The following ARRDC5 variants were observed in gnomAD, a reference collection of about 807,000 sequenced individuals.
ARRDC5 encodes the protein arrestin domain-containing protein 5.
Under a neutral mutation model 13.3 loss-of-function variants are expected in ARRDC5, and 12 were observed. That is an observed-to-expected ratio of 0.90 (90% CI 0.58 to 1.46). ARRDC5 has a LOEUF of 1.46. Among genes scored for constraint, ARRDC5 ranks in the 40% most tolerant of loss-of-function variants. The pLI is 0.00. For missense variants in ARRDC5, 406 were observed against 418.7 expected (o/e 0.97, Z 0.26); for synonymous variants, 181 against 173.4 (o/e 1.04, Z -0.34).
the ARRDC5 span, among the ~76,000 whole-genome samples, chr19:4,912,119 C>T: frequency 2.0e-5 from 3 of 152,124 alleles, no homozygotes; most frequent in Non-Finnish European, 4.4e-5. Context: ...CCGTAAGAGA[C>T]GTGATGACTT....
intron 1 of ARRDC5, among the ~76,000 whole-genome samples, chr19:4,900,979 A>G (rs576264408): frequency 1.3e-5 from 2 of 151,918 alleles, no homozygotes; most frequent in East Asian, 3.9e-4. Flanking sequence ...AGATTACGCC[A>G]CTGCACTCCA....
intron 1 of ARRDC5, 111 bp from the exon 2 acceptor site, chr19:4,896,987 C>CAAA: frequency 2.7e-6 from 2 of 733,150 alleles, no homozygotes; most frequent in Non-Finnish European, 4.3e-6. Flanking sequence ...GACACGGTCT[C>CAAA]ACTCTGTCAC....
At chr19:4,903,102 C>G (rs919651220), upstream of ARRDC5, 22 of 415,552 alleles carry the variant, frequency 5.3e-5, no homozygotes, top group Non-Finnish European at 8.1e-5. Flanking sequence ...TCTTGGCTCA[C>G]TGCAACCTCC....
At position 4,896,715 on chromosome 19, in the gene ARRDC5, A is replaced by C; in HGVS notation, c.415T>G (p.Leu139Val). ...HILAKKRMYL[L>V]VQGTSTFHKE... ...TGGAAGGTGGAAGTTCCTTGAACCA[A>C]TAAGTACATCCTCTTCTTGGCTAAA... Residue 139 changes from leucine (L) to valine (V), a missense_variant, in exon 2 of 3, where the codon TTG becomes GTG. Leu to Val is a conservative substitution (Grantham distance 32, BLOSUM62 1). Coordinates refer to ENST00000650722, the MANE Select transcript of ARRDC5 (RefSeq NM_001080523.3). 1 of 1,613,768 alleles carries C rather than the reference A, an allele frequency of 6.2e-7. No individual in the cohort carries two copies. The highest frequency in any genetic ancestry group is 8.5e-7 in the Non-Finnish European group (1 of 1,179,786).
At chr19:4,893,512 AAAAAGAAAAG>A (rs901711351) in intron 2 of ARRDC5, among the ~76,000 whole-genome samples, 3 of 150,738 alleles carry the variant, frequency 2.0e-5, no homozygotes, top group African/African-American at 7.3e-5. Flanking sequence ...TCTCAAAAAA[AAAAAGAAAAG>A]AAAAGAAAAG....
the ARRDC5 span, chr19:4,910,362 G>T: frequency 6.6e-6 from 1 of 151,684 alleles, no homozygotes; most frequent in African/African-American, 2.4e-5. Context: ...CAAGGAGGGG[G>T]GGCGTGGGCA....
chr19:4,895,422 CAAAAAA>C (rs1039157516), intron 2 of ARRDC5, among the ~76,000 whole-genome samples: 60 of 70,700 alleles, frequency 8.5e-4, no homozygotes, highest in South Asian at 2.8e-3. Context: ...GACTCCGTCT[CAAAAAA>C]AAAAAAAAAA....
At position 4,891,065 on chromosome 19, in the gene ARRDC5, T is replaced by C; in HGVS notation, c.968A>G (p.Asn323Ser). 2.5e-6 allele frequency: 4 copies of C among 1,612,636 alleles called. No individual in the cohort carries two copies. The highest frequency in any genetic ancestry group is 3.4e-6 in the Non-Finnish European group (4 of 1,179,336). ...QLSEDGVLPV[N>S]PDHQN ...GGGCACTTAATTCTGGTGATCTGGG[T>C]TCACGGGTAACACTCCGTCCTCTGA... Residue 323 changes from asparagine (N) to serine (S), a missense_variant, in exon 3 of 3, where the codon AAC (asparagine) becomes AGC (serine). Transcript: ENST00000650722.
chr19:4,899,434 C>G (rs1260334086), intron 1 of ARRDC5, among the ~76,000 whole-genome samples: 1 of 151,784 alleles, frequency 6.6e-6, no homozygotes, highest in Admixed American at 6.6e-5. Context: ...AGTTTGAGAC[C>G]AGCCTGGCCA....
intron 2 of ARRDC5, among the ~76,000 whole-genome samples, 171 bp downstream of exon 2, chr19:4,896,500 A>G (rs1204704794): frequency 6.6e-6 from 1 of 150,604 alleles, no homozygotes; most frequent in East Asian, 2.0e-4. Context: ...CTTGACCTCC[A>G]GCTGCCCTAA....
chr19:4,891,427 G>A lies in ARRDC5; in HGVS notation c.606C>T (p.Ser202=), dbSNP rs1207244733. The change falls in exon 3 of 3, where the codon AGC becomes AGT. Residue 202 remains serine, a synonymous_variant. Transcript: ENST00000650722. ...VFTTEINNQT[S]KCIKTVVFAL... ...CGAATACGACCGTCTTGATGCATTT[G>A]CTGGTCTGGTTGTTGATCTCTGTTG... The A allele has an allele frequency of 1.9e-6, 3 of 1,613,294 alleles. No homozygotes were observed. The highest frequency in any genetic ancestry group is 2.5e-6 in the Non-Finnish European group (3 of 1,179,896).
intron 1 of ARRDC5, among the ~76,000 whole-genome samples, chr19:4,900,143 CTTTTT>C (rs35303447): frequency 4.7e-5 from 4 of 84,224 alleles, no homozygotes; most frequent in Non-Finnish European, 6.2e-5. Flanking sequence ...CTGTTTCTTT[CTTTTT>C]TTTTTTTTTT....
chr19:4,896,225 G>A (rs538157701), intron 2 of ARRDC5, among the ~76,000 whole-genome samples: 112 of 149,504 alleles, frequency 7.5e-4, no homozygotes, highest in Non-Finnish European at 1.2e-3. Flanking sequence ...TGAGGCAGGA[G>A]AATCGCTTGA....
intron 2 of ARRDC5, among the ~76,000 whole-genome samples, chr19:4,894,368 G>A (rs111611916): frequency 0.031 from 4,622 of 150,692 alleles, 232 homozygotes; most frequent in African/African-American, 0.11. Context: ...AAAATTAGCC[G>A]GGCGTAGTGG....
chr19:4,903,038 T>C, upstream of ARRDC5: 1 of 592,484 alleles, frequency 1.7e-6, no homozygotes, highest in Non-Finnish European at 2.9e-6. Context: ...TCTTTTTTTT[T>C]TTTTTTGAGA....
the ARRDC5 span, among the ~76,000 whole-genome samples, chr19:4,913,807 C>G: frequency 9.1e-6 from 1 of 110,136 alleles, no homozygotes; most frequent in Admixed American, 9.7e-5. Flanking sequence ...CATGCAGTAG[C>G]TTTTTTTTTT....
the ARRDC5 span, among the ~76,000 whole-genome samples, chr19:4,916,608 G>C: frequency 1.3e-5 from 2 of 152,126 alleles, no homozygotes; most frequent in African/African-American, 4.8e-5. Context: ...CACCCGTCCT[G>C]TGTGCTGGGA....
chr19:4,898,037 A>C (rs1045030862), intron 1 of ARRDC5, among the ~76,000 whole-genome samples: 14 of 152,140 alleles, frequency 9.2e-5, no homozygotes, highest in Non-Finnish European at 1.9e-4. Flanking sequence ...CAGTGAGCCG[A>C]GATCATGCCA....
rs1027768431 is a variant in ARRDC5, at chr19:4,890,810, G to A, written c.*236C>T. The A allele has an allele frequency of 8.1e-6, 4 of 493,716 alleles. No individual in the cohort carries two copies. The highest frequency in any genetic ancestry group is 1.1e-5 in the Non-Finnish European group (3 of 277,334). The allele number at this position is 493,716 out of a possible 1,614,324, so 30.6% of individuals were successfully genotyped here. ...CTGGGGCAGACTCAGGGTGGAAAAG[G>A]CAGGTTATGCCGGGTTTGGGTCCTG... On this transcript the variant is annotated 3_prime_UTR_variant, in exon 3 of 3. Transcript: ENST00000650722.
Sources: allele counts gnomAD v4.1 joint callset (sites outside exome capture counted in the v4.1 genomes callset), GRCh38; gene constraint gnomAD v4.1.1; transcripts MANE v1.5; gene names NCBI Gene and HGNC (gene_info 2026-07-23, HGNC 2026-07-21).